The following PFDN1 variants were observed in gnomAD, a reference collection of about 807,000 sequenced individuals.
The protein encoded by PFDN1 is prefoldin subunit 1, also known as prefoldin 1.
Under a neutral mutation model 17.3 loss-of-function variants are expected in PFDN1, and 6 were observed. That is an observed-to-expected ratio of 0.35 (90% confidence interval 0.19 to 0.69). The LOEUF (loss-of-function observed/expected upper bound fraction) is 0.69, where lower values mean the gene tolerates loss of function less well. PFDN1 is among the 30% of genes least tolerant of loss of function. The pLI is 0.65. For missense variants in PFDN1, 113 were observed against 146.2 expected (o/e 0.77, Z 1.17); for synonymous variants, 58 against 50.1 (o/e 1.16, Z -0.67).
chr5:140,259,547 A>G (rs1227591516), intron 3 of PFDN1, among the ~76,000 whole-genome samples: 1 of 152,228 alleles, frequency 6.6e-6, no homozygotes, highest in Non-Finnish European at 1.5e-5. Context: ...CAACAACAAA[A>G]AACAGTAAGT....
At chr5:140,301,804 G>A (rs1765751521) in intron 1 of PFDN1, among the ~76,000 whole-genome samples, 1 of 152,164 alleles carries the variant, frequency 6.6e-6, no homozygotes, top group East Asian at 1.9e-4. Context: ...TTTAACAGAA[G>A]AAAAGGTAAA....
intron 3 of PFDN1, among the ~76,000 whole-genome samples, chr5:140,262,231 A>T (rs564161354): frequency 6.6e-6 from 1 of 152,304 alleles, no homozygotes; most frequent in African/African-American, 2.4e-5. Context: ...TTATCATTTT[A>T]TAAGAAAAGG....
At chr5:140,249,923 G>A (rs1353658622) in intron 3 of PFDN1, among the ~76,000 whole-genome samples, 4 of 152,084 alleles carry the variant, frequency 2.6e-5, no homozygotes, top group Non-Finnish European at 4.4e-5. Flanking sequence ...ATTTTTTTGC[G>A]GGGGTTGGGG....
chr5:140,266,017 C>T (rs1366193223), intron 3 of PFDN1, among the ~76,000 whole-genome samples: 3 of 152,200 alleles, frequency 2.0e-5, no homozygotes, highest in Non-Finnish European at 4.4e-5. Context: ...CTCTCCTCTG[C>T]CCTAGCCCCA....
At chr5:140,258,476 G>A (rs915655584) in intron 3 of PFDN1, among the ~76,000 whole-genome samples, 2 of 151,320 alleles carry the variant, frequency 1.3e-5, no homozygotes, top group African/African-American at 4.9e-5. Context: ...GGAAGCACTG[G>A]ATTAGAGAAT....
Position 140,254,152 on chromosome 5 carries a change from A to C in PFDN1, c.286-8095T>G, listed in dbSNP as rs1000360692. Among the ~76,000 whole-genome samples, 2 of 152,222 alleles carry C rather than the reference A, an allele frequency of 1.3e-5. No individual in the cohort carries two copies. Among genetic ancestry groups the C allele is most frequent in the Non-Finnish European group, 2.9e-5 (2 of 68,034 alleles). ...AAAAGCAGTCAGACAATGTGTAAACAAATGGGTGTGGTGCAGATGAATGGG... is the reference window on the plus strand; with the variant it reads ...AAAAGCAGTCAGACAATGTGTAAACCAATGGGTGTGGTGCAGATGAATGGG... On this transcript the variant is annotated intron_variant, in intron 3 of 3. Transcript: ENST00000261813. This position sits in a 1 kb window ranked among gnomAD's most constrained non-coding sequence, Gnocchi z 4.4.
At chr5:140,281,676 C>G in intron 2 of PFDN1, 143 bp from the exon 3 acceptor site, 1 of 617,404 alleles carries the variant, frequency 1.6e-6, no homozygotes, top group Non-Finnish European at 2.9e-6. Flanking sequence ...CAGGAAACCA[C>G]CAGAAGTTTA....
Position 140,281,548 on chromosome 5 carries a change from A to G in PFDN1, c.201-15T>C, listed in dbSNP as rs371779828. ...GAAGAATAAACCTATGAAACACAAG[A>G]AAGTTGAAAATTAAGCCACATGACT... On this transcript the variant is annotated splice_polypyrimidine_tract_variant and intron_variant, in intron 2 of 3. Transcript: ENST00000261813. 7 of 1,404,022 alleles carry G rather than the reference A, an allele frequency of 5.0e-6. No homozygotes were observed. The highest frequency in any genetic ancestry group is 1.7e-5 in the Admixed American group (1 of 59,238). The allele number at this position is 1,404,022 out of a possible 1,614,324, so 87.0% of individuals were successfully genotyped here. A position where few individuals can be genotyped will look rare whatever the true frequency, so the allele number is the denominator to read the frequency against.
intron 3 of PFDN1, among the ~76,000 whole-genome samples, chr5:140,265,155 G>A (rs892456760): frequency 2.6e-5 from 4 of 152,088 alleles, no homozygotes; most frequent in African/African-American, 9.7e-5. Flanking sequence ...TTGCGACTCA[G>A]GTCTAACAGA....
chr5:140,252,155 G>A (rs1764923883), intron 3 of PFDN1, among the ~76,000 whole-genome samples: 1 of 149,748 alleles, frequency 6.7e-6, no homozygotes, highest in African/African-American at 2.5e-5. Context: ...TTAGCCACAC[G>A]ACACTTTCTT....
At chr5:140,301,874 T>C (rs925003314) in intron 1 of PFDN1, among the ~76,000 whole-genome samples, 4 of 152,238 alleles carry the variant, frequency 2.6e-5, no homozygotes, top group African/African-American at 7.2e-5. Flanking sequence ...CTGACTGCTC[T>C]ATACAGCTTG....
At chr5:140,301,141 G>A (rs1375753473) in intron 1 of PFDN1, among the ~76,000 whole-genome samples, 1 of 152,182 alleles carries the variant, frequency 6.6e-6, no homozygotes, top group Non-Finnish European at 1.5e-5. Flanking sequence ...GCTTGCACAA[G>A]GTTGAACAAC....
At chr5:140,275,274 C>A (rs1049861914) in intron 3 of PFDN1, among the ~76,000 whole-genome samples, 6 of 151,606 alleles carry the variant, frequency 4.0e-5, no homozygotes, top group East Asian at 3.9e-4. Context: ...CTGGGCATGG[C>A]GGGGTGTGCC....
chr5:140,286,471 GA>G (rs1239498556), intron 2 of PFDN1, among the ~76,000 whole-genome samples: 1 of 148,052 alleles, frequency 6.8e-6, no homozygotes, highest in East Asian at 2.0e-4. Context: ...CCATTTTCAA[GA>G]TGAAAAAATA....
chr5:140,267,632 G>A (rs1266969889), intron 3 of PFDN1, among the ~76,000 whole-genome samples: 2 of 152,158 alleles, frequency 1.3e-5, no homozygotes, highest in African/African-American at 4.8e-5. Flanking sequence ...ACAGTAGCCA[G>A]GGCTGGCCTT....
At chr5:140,275,761 G>A (rs1581090557) in intron 3 of PFDN1, among the ~76,000 whole-genome samples, 1 of 152,106 alleles carries the variant, frequency 6.6e-6, no homozygotes, top group South Asian at 2.1e-4. Flanking sequence ...CAGCACCTAT[G>A]TCATGGAAAA....
At chr5:140,298,057 G>T in intron 2 of PFDN1, among the ~76,000 whole-genome samples, 1 of 152,162 alleles carries the variant, frequency 6.6e-6, no homozygotes, top group East Asian at 1.9e-4. Context: ...ATATTCAAGG[G>T]TTCTACTTTG....
At chr5:140,299,335 T>C (rs756323670) in intron 2 of PFDN1, among the ~76,000 whole-genome samples, 15 of 152,118 alleles carry the variant, frequency 9.9e-5, no homozygotes, top group South Asian at 2.1e-4. Flanking sequence ...CCAGGGGCGG[T>C]GGCTCACGCC....
chr5:140,300,688 G>T, intron 1 of PFDN1, 106 bp from the exon 2 acceptor site: 1 of 703,854 alleles, frequency 1.4e-6, no homozygotes, highest in Non-Finnish European at 2.3e-6. Flanking sequence ...AGACAAAGCT[G>T]TGAAATTTAC....
Sources: allele counts gnomAD v4.1 joint callset (sites outside exome capture counted in the v4.1 genomes callset), GRCh38; gene constraint gnomAD v4.1.1; non-coding constraint Gnocchi (gnomAD v3.1); transcripts MANE v1.5; gene names NCBI Gene and HGNC (gene_info 2026-07-23, HGNC 2026-07-21).